Variants in ZFP64 observed in about 807,000 individuals in gnomAD.
ZFP64 encodes the protein ZFP64 zinc finger protein.
A neutral mutation model predicts 51.6 loss-of-function variants in ZFP64; 14 were observed. The observed-to-expected ratio is 0.27, with a 90% confidence interval of 0.18 to 0.42. The LOEUF is 0.42. Among genes scored for constraint, ZFP64 ranks in the 10% least tolerant of loss-of-function variants. The pLI is 1.00. For synonymous variants in ZFP64, 375 were observed against 361.4 expected, an observed-to-expected ratio of 1.04 and a Z score of -0.43; for missense variants, 754 against 906.8, an observed-to-expected ratio of 0.83 and a Z score of 2.16.
chr20:52,092,457 G>T (rs1329556861), intron 7 of ZFP64, among the ~76,000 whole-genome samples: 1 of 152,170 alleles, frequency 6.6e-6, no homozygotes, highest in African/African-American at 2.4e-5. Context: ...AAAGTCAATC[G>T]TGACTATTAA....
chr20:52,090,402 A>G (rs2078910205), intron 7 of ZFP64, among the ~76,000 whole-genome samples: 1 of 152,202 alleles, frequency 6.6e-6, no homozygotes, highest in African/African-American at 2.4e-5. Context: ...ACTGTACACC[A>G]GAAAAAAAAA....
intron 5 of ZFP64, among the ~76,000 whole-genome samples, chr20:52,103,366 C>G (rs1218857738): frequency 1.3e-5 from 2 of 152,208 alleles, no homozygotes; most frequent in African/African-American, 4.8e-5. Flanking sequence ...AATGTACCCC[C>G]TTGCCAGTGT....
At chr20:52,135,070 C>G (rs1979903982) in intron 5 of ZFP64, among the ~76,000 whole-genome samples, 2 of 152,032 alleles carry the variant, frequency 1.3e-5, no homozygotes, top group African/African-American at 4.8e-5. Flanking sequence ...CACCATGTTG[C>G]CCAGGCTGGT....
At chr20:52,100,391 G>A (rs2079038435) in intron 5 of ZFP64, among the ~76,000 whole-genome samples, 1 of 151,986 alleles carries the variant, frequency 6.6e-6, no homozygotes, top group Non-Finnish European at 1.5e-5. Context: ...GATTACAGAC[G>A]TGCGCCACCA....
Position 52,152,267 on chromosome 20 carries a change from G to C in ZFP64, c.1925C>G (p.Thr642Ser). ...GGAGGAGAAGACCGGTGGCGCTGTG[G>C]TGGCCACTGCGATGTTCTGGCCTCC... ...SDGGQNIAVA[T>S]TAPPVFSSSS... Residue 642 changes from threonine to serine, a missense_variant, in exon 6 of 6, where the codon ACC becomes AGC. By Grantham distance (58) the Thr-to-Ser change is moderately conservative. Coordinates refer to ENST00000216923, the MANE Select transcript of ZFP64 (RefSeq NM_018197.3). 3.1e-6 allele frequency: 5 copies of C among 1,614,082 alleles called. No homozygotes were observed. The highest frequency in any genetic ancestry group is 4.2e-6 in the Non-Finnish European group (5 of 1,180,022).
At chr20:52,122,307 C>A in intron 5 of ZFP64, among the ~76,000 whole-genome samples, 1 of 152,140 alleles carries the variant, frequency 6.6e-6, no homozygotes, top group Non-Finnish European at 1.5e-5. Context: ...GAGATCGAGA[C>A]CATTCTGGCT....
intron 5 of ZFP64, among the ~76,000 whole-genome samples, chr20:52,157,315 G>A (rs948093043): frequency 6.6e-6 from 1 of 152,168 alleles, no homozygotes; most frequent in East Asian, 1.9e-4. Flanking sequence ...TGTGGGTATG[G>A]CTTTTGGCAT....
intron 5 of ZFP64, among the ~76,000 whole-genome samples, chr20:52,156,668 G>A (rs543379444): frequency 3.9e-5 from 6 of 152,204 alleles, no homozygotes; most frequent in Admixed American, 3.3e-4. Context: ...AATGGATACA[G>A]ATATTGGTAT....
At chr20:52,084,430 T>G (rs868329009) in exon 9 of ZFP64, 2 of 914,184 alleles carry the variant, frequency 2.2e-6, no homozygotes, top group Non-Finnish European at 3.2e-6. Flanking sequence ...TCTGAAGGCC[T>G]GTGAAGTTGG....
intron 5 of ZFP64, among the ~76,000 whole-genome samples, chr20:52,142,377 G>GACACACACACACACACACGCGCAC (rs1980302194): frequency 8.4e-6 from 1 of 118,370 alleles, no homozygotes; most frequent in Non-Finnish European, 1.8e-5. Flanking sequence ...CACACACACA[G>GACACACACACACACACACGCGCAC]ACACACACAC....
intron 5 of ZFP64, among the ~76,000 whole-genome samples, chr20:52,126,375 C>A (rs1486683393): frequency 6.6e-6 from 1 of 152,180 alleles, no homozygotes; most frequent in Non-Finnish European, 1.5e-5. Context: ...GACTTCAGAA[C>A]CCTTTGCTTA....
intron 5 of ZFP64, among the ~76,000 whole-genome samples, chr20:52,114,141 A>C (rs1004806294): frequency 1.9e-4 from 29 of 152,308 alleles, no homozygotes; most frequent in African/African-American, 7.0e-4. Context: ...GATATGTAAA[A>C]ATTTGAAAAA....
chr20:52,185,278 C>G (rs1207010378), intron 2 of ZFP64, among the ~76,000 whole-genome samples: 1 of 152,190 alleles, frequency 6.6e-6, no homozygotes, highest in Non-Finnish European at 1.5e-5. Context: ...CCCGCCTCGG[C>G]CTCCGAAAGT....
Position 52,176,505 on chromosome 20 carries a change from C to CTCTTTTTTTTTT in ZFP64, c.286+10326_286+10327insAAAAAAAAAAGA, listed in dbSNP as rs1555810297. Among the ~76,000 whole-genome samples the CTCTTTTTTTTTT allele has an allele frequency of 9.3e-4, 127 of 136,710 alleles. 1 individual carries two copies. The highest frequency in any genetic ancestry group is 3.6e-3 in the Middle Eastern group (1 of 278). 89.7% of individuals were successfully genotyped at this position (136,710 alleles called of 152,430 possible). On this transcript the variant is annotated intron_variant, in intron 2 of 5. Transcript: ENST00000216923. Reference sequence around the variant, plus strand: ...ATTTCTAGCTTCTGGTTCAATCTCTCTTTTTTTTTTTTTTTGAGACGGAGT... The same window carrying CTCTTTTTTTTTT: ...ATTTCTAGCTTCTGGTTCAATCTCTCTCTTTTTTTTTTTTTTTTTTTTTTTTTGAGACGGAGT...
downstream of ZFP64, among the ~76,000 whole-genome samples, chr20:52,147,490 A>G (rs1374298722): frequency 6.6e-6 from 1 of 152,226 alleles, no homozygotes; most frequent in African/African-American, 2.4e-5. Context: ...AAGAAAACAA[A>G]ATAAGTAGTA....
At chr20:52,141,286 T>G (rs1980242696) in intron 5 of ZFP64, among the ~76,000 whole-genome samples, 1 of 152,238 alleles carries the variant, frequency 6.6e-6, no homozygotes, top group Non-Finnish European at 1.5e-5. Flanking sequence ...TGTAAGACTA[T>G]AGCGGTGATA....
At chr20:52,164,900 G>A in intron 3 of ZFP64, 143 bp from the exon 4 acceptor site, 1 of 730,600 alleles carries the variant, frequency 1.4e-6, no homozygotes, top group Non-Finnish European at 2.4e-6. Context: ...GCCTTCATAT[G>A]TGATGACCGG....
intron 2 of ZFP64, among the ~76,000 whole-genome samples, chr20:52,166,406 G>A (rs2038430): frequency 0.26 from 39,566 of 151,874 alleles, 5,319 homozygotes; most frequent in Admixed American, 0.3. Flanking sequence ...GGTAAACATG[G>A]AAATCAGATG....
chr20:52,191,536 C>T lies in ZFP64; in HGVS notation c.46+55G>A, dbSNP rs1188377965. 5 of 1,498,000 alleles carry T rather than the reference C, an allele frequency of 3.3e-6. No individual in the cohort carries two copies. Among genetic ancestry groups the T allele is most frequent in the East Asian group, 2.8e-5 (1 of 35,472 alleles). The allele number at this position is 1,498,000 out of a possible 1,614,324, so 92.8% of individuals were successfully genotyped here. A position where few individuals can be genotyped will look rare whatever the true frequency, so the allele number is the denominator to read the frequency against. ...CGTCGCAGACGTGCTTGGGCCCGGG[C>T]CCCGGAGCGCGCACTGGGCCCCGGA... On this transcript the variant is annotated intron_variant, in intron 1 of 5. Coordinates refer to ENST00000216923, the MANE Select transcript of ZFP64 (RefSeq NM_018197.3). The surrounding 1 kb of genome is among the most constrained non-coding windows in gnomAD (Gnocchi z 4.3).
Sources: allele counts gnomAD v4.1 joint callset (sites outside exome capture counted in the v4.1 genomes callset), GRCh38; gene constraint gnomAD v4.1.1; non-coding constraint Gnocchi (gnomAD v3.1); transcripts MANE v1.5; gene names NCBI Gene and HGNC (gene_info 2026-07-23, HGNC 2026-07-21).